RACGAP1: variants seen among roughly 807,000 people sequenced by gnomAD.
RACGAP1 encodes the protein Rac GTPase activating protein 1.
Under a neutral mutation model 78.1 loss-of-function variants are expected in RACGAP1, and 30 were observed. That is an observed-to-expected ratio of 0.38 (90% confidence interval 0.29 to 0.52). The LOEUF is 0.52. Ranked by LOEUF, RACGAP1 falls within the 20% of genes least tolerant of loss-of-function variation. The pLI, the probability that RACGAP1 is intolerant of heterozygous loss-of-function variation, is 0.82. For missense variants in RACGAP1, 587 were observed against 777.1 expected (o/e 0.76, Z 2.91); for synonymous variants, 231 against 264.8 (o/e 0.87, Z 1.24).
At chr12:50,005,430 A>G (rs757717853) in intron 3 of RACGAP1, 38 bp from the exon 4 acceptor site, 4 of 1,608,784 alleles carry the variant, frequency 2.5e-6, no homozygotes, top group African/African-American at 1.3e-5. Flanking sequence ...ATAACTAGCC[A>G]GGGGAGAAAG....
intron 1 of RACGAP1, chr12:50,021,001 T>G (rs796264027): frequency 4.8e-6 from 2 of 420,762 alleles, no homozygotes; most frequent in African/African-American, 4.3e-5. Context: ...TATCTTTCTA[T>G]ATCAGTACTA....
At chr12:49,996,959 T>C (rs1948331799) in intron 10 of RACGAP1, 81 bp downstream of exon 10, 2 of 1,384,458 alleles carry the variant, frequency 1.4e-6, no homozygotes, top group Non-Finnish European at 1.9e-6. Flanking sequence ...AGATGATTAA[T>C]TTTAGAACAA....
intron 7 of RACGAP1, among the ~76,000 whole-genome samples, chr12:50,000,169 A>G (rs1948583075): frequency 6.6e-6 from 1 of 151,800 alleles, no homozygotes; most frequent in African/African-American, 2.4e-5. Context: ...GTCTGCCACC[A>G]TGCCCAGCTA....
At chr12:50,025,552 A>T (rs138187359), upstream of RACGAP1, 7 of 985,258 alleles carry the variant, frequency 7.1e-6, no homozygotes, top group African/African-American at 1.7e-5. Context: ...CTACGGTGTG[A>T]CGTACGCGTC....
chr12:49,999,530 C>T lies in RACGAP1; in HGVS notation c.748+86G>A, dbSNP rs1338361532. 4.9e-5 allele frequency: 60 copies of T among 1,215,400 alleles called. No individual in the cohort carries two copies. The South Asian group carries it at 5.1e-4, about 10-fold the overall frequency. 75.3% of individuals were successfully genotyped at this position (1,215,400 alleles called of 1,614,324 possible). On this transcript the variant is annotated intron_variant, in intron 8 of 16. Coordinates refer to ENST00000312377, the MANE Select transcript of RACGAP1 (RefSeq NM_001319999.2). ...GAAACTACCCAATACATCCAATCCC[C>T]GCCTCCAGAGGGTTCTAAGAAACCA...
intron 16 of RACGAP1, 44 bp from the exon 17 acceptor site, chr12:49,990,387 A>C (rs780197234): frequency 6.6e-7 from 1 of 1,514,116 alleles, no homozygotes; most frequent in Admixed American, 1.7e-5. Context: ...TCTATAAAAA[A>C]TGGTTGAATA....
chr12:50,028,368 C>T (rs1950299539), upstream of RACGAP1, among the ~76,000 whole-genome samples: 1 of 152,196 alleles, frequency 6.6e-6, no homozygotes, highest in African/African-American at 2.4e-5. Flanking sequence ...TGTGTGTGCC[C>T]ACTTTTCTCC....
At position 49,992,230 on chromosome 12, in the gene RACGAP1, C is replaced by T. The variant is rs772991414; in HGVS notation, c.1578+15G>A. 55 of 1,613,938 alleles carry T rather than the reference C, an allele frequency of 3.4e-5. No individual in the cohort carries two copies. The highest frequency in any genetic ancestry group is 1.1e-4 in the East Asian group (5 of 44,890). On this transcript the variant is annotated intron_variant, in intron 14 of 16. Transcript: ENST00000312377. Reference sequence around the variant, plus strand: ...TTACACAAGTTCACATACACACACACACGCACCTGCCTACCTTGGGTTGAC... The same window carrying T: ...TTACACAAGTTCACATACACACACATACGCACCTGCCTACCTTGGGTTGAC...
chr12:49,995,416 G>A (rs971329251), intron 10 of RACGAP1, among the ~76,000 whole-genome samples: 3 of 152,000 alleles, frequency 2.0e-5, no homozygotes, highest in Non-Finnish European at 4.4e-5. Flanking sequence ...TGTAAGATCA[G>A]GGGAAAATAA....
At chr12:50,030,645 C>T (rs1167149108) in intron 2 of RACGAP1, among the ~76,000 whole-genome samples, 4 of 151,982 alleles carry the variant, frequency 2.6e-5, no homozygotes, top group African/African-American at 7.3e-5. Context: ...CCCGCGATTG[C>T]GCCACTGCAC....
At chr12:50,016,224 A>C (rs1424775064) in intron 2 of RACGAP1, among the ~76,000 whole-genome samples, 1 of 151,992 alleles carries the variant, frequency 6.6e-6, no homozygotes, top group Non-Finnish European at 1.5e-5. Flanking sequence ...TCTACTAAAA[A>C]TACAAAAAAT....
chr12:49,991,496 T>A (rs1393705997), intron 15 of RACGAP1, among the ~76,000 whole-genome samples: 115 of 104,014 alleles, frequency 1.1e-3, no homozygotes, highest in Non-Finnish European at 5.5e-4. Context: ...TTTTTTTTTT[T>A]TTTTTTTTTT....
rs1179043183 is a variant in RACGAP1 at position 49,989,470 on chromosome 12, T to G, written c.*798A>C. On this transcript the variant is annotated 3_prime_UTR_variant, in exon 17 of 17. Transcript: ENST00000312377. ...ATGCCAAAGGATGATATATTGACCT[T>G]TAGAAGTTGGGCTCCACTGGACAAG... The G allele has an allele frequency of 6.6e-6, 1 of 152,154 alleles. No homozygotes were observed. Among genetic ancestry groups the G allele is most frequent in the African/African-American group, 2.4e-5 (1 of 41,424 alleles). 9.4% of individuals were successfully genotyped at this position (152,154 alleles called of 1,614,324 possible).
upstream of RACGAP1, among the ~76,000 whole-genome samples, chr12:50,028,971 A>G (rs1437806169): frequency 1.3e-5 from 2 of 151,642 alleles, no homozygotes; most frequent in Admixed American, 1.3e-4. Context: ...TATTCCCAGC[A>G]CTTTGGGAGG....
At chr12:50,025,181 C>A (rs1174553499) in intron 1 of RACGAP1, 12 of 509,422 alleles carry the variant, frequency 2.4e-5, no homozygotes, top group Non-Finnish European at 3.0e-5. Context: ...AAACCCGGCG[C>A]CAAGACAGAA....
chr12:50,006,961 G>A (rs1949012755), intron 2 of RACGAP1, among the ~76,000 whole-genome samples: 1 of 152,200 alleles, frequency 6.6e-6, no homozygotes, highest in South Asian at 2.1e-4. Context: ...GGCAATCAAA[G>A]GGGGATACCT....
At chr12:49,995,496 ATTTT>A (rs111917291) in intron 10 of RACGAP1, among the ~76,000 whole-genome samples, 1 of 146,082 alleles carries the variant, frequency 6.8e-6, no homozygotes. Flanking sequence ...TTACATAATA[ATTTT>A]TTTTTTTTTT....
chr12:50,015,313 C>A (rs190627660), intron 2 of RACGAP1, among the ~76,000 whole-genome samples: 2 of 152,200 alleles, frequency 1.3e-5, no homozygotes, highest in African/African-American at 2.4e-5. Flanking sequence ...GGCTCTCAAT[C>A]CTTAATTATT....
intron 1 of RACGAP1, chr12:50,020,971 T>C (rs1949974879): frequency 3.9e-6 from 1 of 253,942 alleles, no homozygotes; most frequent in Admixed American, 6.5e-5. Flanking sequence ...CTCTCAGGAA[T>C]TATTTATAGA....
Sources: allele counts gnomAD v4.1 joint callset (sites outside exome capture counted in the v4.1 genomes callset), GRCh38; gene constraint gnomAD v4.1.1; transcripts MANE v1.5; gene names NCBI Gene and HGNC (gene_info 2026-07-23, HGNC 2026-07-21).